Variants in RPS6KC1 observed in about 807,000 individuals in gnomAD.
RPS6KC1 encodes inactive ribosomal protein S6 kinase delta-1.
RPS6KC1 carries 54 observed loss-of-function variants against 103.8 expected under a neutral mutation model. That is an observed-to-expected ratio of 0.52 (90% CI 0.42 to 0.65). RPS6KC1 has a LOEUF of 0.65. RPS6KC1 is among the 30% of genes least tolerant of loss of function. RPS6KC1 has a pLI of 0.00. For synonymous variants in RPS6KC1, 439 were observed against 438.7 expected, an observed-to-expected ratio of 1.00 and a Z score of -0.01; for missense variants, 1,151 against 1,253.8, an observed-to-expected ratio of 0.92 and a Z score of 1.24.
the RPS6KC1 span, among the ~76,000 whole-genome samples, chr1:213,676,824 C>T: frequency 6.6e-6 from 1 of 152,336 alleles, no homozygotes; most frequent in Admixed American, 6.5e-5. Context: ...TAAAATGCAT[C>T]AATAAAATGT....
chr1:213,167,747 C>T lies in RPS6KC1; in HGVS notation c.836-111C>T, dbSNP rs2091117292. On this transcript the variant is annotated intron_variant, in intron 6 of 14. Transcript: ENST00000366960. ...ATGTCTTTTCCAATTTTGAATATCT[C>T]TTCTTTTTTGTTAGAAATGTGAACA... The T allele has an allele frequency of 7.6e-6, 4 of 529,630 alleles. No homozygotes were observed. The East Asian group carries it at 1.3e-4, about 17-fold the overall frequency. The allele number at this position is 529,630 out of a possible 1,614,324, so 32.8% of individuals were successfully genotyped here. A position where few individuals can be genotyped will look rare whatever the true frequency, so the allele number is the denominator to read the frequency against.
chr1:213,552,592 C>T, the RPS6KC1 span, among the ~76,000 whole-genome samples: 50 of 152,084 alleles, frequency 3.3e-4, no homozygotes, highest in Non-Finnish European at 5.6e-4. Context: ...ATTTGGGTAA[C>T]CTTTATTAAG....
the RPS6KC1 span, among the ~76,000 whole-genome samples, chr1:213,455,698 C>G: frequency 5.3e-5 from 8 of 152,100 alleles, no homozygotes; most frequent in Non-Finnish European, 1.2e-4. Context: ...TGATTAATAC[C>G]AGTTTTAAAG....
the RPS6KC1 span, among the ~76,000 whole-genome samples, chr1:213,745,577 T>C: frequency 6.6e-6 from 1 of 152,016 alleles, no homozygotes; most frequent in Non-Finnish European, 1.5e-5. Context: ...GGGGTTGTAT[T>C]ACTGATCTTG....
chr1:213,359,503 T>C, the RPS6KC1 span, among the ~76,000 whole-genome samples: 75 of 152,356 alleles, frequency 4.9e-4, no homozygotes, highest in African/African-American at 1.7e-3. Flanking sequence ...GTCTTGACTC[T>C]TTATCCAATT....
chr1:213,129,580 G>T lies in RPS6KC1; in HGVS notation c.526G>T (p.Ala176Ser), dbSNP rs1414488321. 2 of 1,613,810 alleles carry T rather than the reference G, an allele frequency of 1.2e-6. No homozygotes were observed. Among genetic ancestry groups the T allele is most frequent in the Non-Finnish European group, 1.7e-6 (2 of 1,179,798 alleles). The stretch of plus-strand genomic sequence containing the variant: ...TCTTACTGTTGATGTGGATTCTCTT[G>T]CTGAGTTAGATGATGGAATGGCTTC... ...VSLTVDVDSL[A>S]ELDDGMASNQ... Residue 176 changes from alanine to serine, a missense_variant, in exon 6 of 15, where the codon GCT becomes TCT. By Grantham distance (99) the Ala-to-Ser change is moderately conservative. This residue lies in a region of RPS6KC1 where 959 missense variants were observed against 1,006.3 expected (regional missense o/e 0.95). Transcript: ENST00000366960.
At chr1:213,641,251 A>G in the RPS6KC1 span, among the ~76,000 whole-genome samples, 2 of 151,722 alleles carry the variant, frequency 1.3e-5, no homozygotes, top group African/African-American at 2.4e-5. Context: ...TATCTGCATC[A>G]TCTCCTTGGT....
the RPS6KC1 span, among the ~76,000 whole-genome samples, chr1:213,699,222 C>G: frequency 6.6e-6 from 1 of 152,032 alleles, no homozygotes; most frequent in Non-Finnish European, 1.5e-5. Flanking sequence ...ACTCCCATTT[C>G]CAACCTCTAG....
At chr1:213,777,198 G>C in the RPS6KC1 span, among the ~76,000 whole-genome samples, 1 of 152,268 alleles carries the variant, frequency 6.6e-6, no homozygotes, top group East Asian at 1.9e-4. Flanking sequence ...TCGCAAATTG[G>C]GTAACTGTTT....
chr1:213,109,794 C>T (rs78251611), intron 4 of RPS6KC1, among the ~76,000 whole-genome samples: 3,407 of 149,342 alleles, frequency 0.023, 133 homozygotes, highest in African/African-American at 0.078. Context: ...ATTTTTGTTT[C>T]TCGTAGGTAT....
At chr1:213,480,368 G>T in the RPS6KC1 span, among the ~76,000 whole-genome samples, 3 of 151,994 alleles carry the variant, frequency 2.0e-5, no homozygotes, top group Admixed American at 1.3e-4. Flanking sequence ...TTAAGATTCT[G>T]TGCATTTTTG....
At chr1:213,066,263 A>G (rs1215305565) in intron 1 of RPS6KC1, among the ~76,000 whole-genome samples, 1 of 152,244 alleles carries the variant, frequency 6.6e-6, no homozygotes, top group Non-Finnish European at 1.5e-5. Context: ...AATAACCTAC[A>G]AAAGAGAAGC....
the RPS6KC1 span, among the ~76,000 whole-genome samples, chr1:213,709,565 G>T: frequency 6.6e-6 from 1 of 151,880 alleles, no homozygotes; most frequent in African/African-American, 2.4e-5. Flanking sequence ...GCTCTGCTCT[G>T]ATCTTAGTTA....
chr1:213,500,728 G>A, the RPS6KC1 span, among the ~76,000 whole-genome samples: 1 of 152,136 alleles, frequency 6.6e-6, no homozygotes, highest in Non-Finnish European at 1.5e-5. Context: ...GTGATCCTTT[G>A]TTGACTGAAA....
At chr1:213,812,694 T>A in the RPS6KC1 span, among the ~76,000 whole-genome samples, 11 of 152,318 alleles carry the variant, frequency 7.2e-5, no homozygotes, top group African/African-American at 2.6e-4. Context: ...AACCAATTCG[T>A]GTAAGGCAAT....
chr1:213,491,987 G>A, the RPS6KC1 span, among the ~76,000 whole-genome samples: 4 of 152,222 alleles, frequency 2.6e-5, no homozygotes, highest in East Asian at 1.9e-4. Flanking sequence ...GCCTGCCACC[G>A]CTGAACTGTA....
intron 6 of RPS6KC1, among the ~76,000 whole-genome samples, chr1:213,152,898 G>A (rs565718156): frequency 1.3e-5 from 2 of 152,378 alleles, no homozygotes; most frequent in African/African-American, 4.8e-5. Flanking sequence ...CGGCTGGGAG[G>A]TGGAGGTTGT....
the RPS6KC1 span, among the ~76,000 whole-genome samples, chr1:213,788,092 C>A: frequency 1.3e-5 from 2 of 152,174 alleles, no homozygotes; most frequent in African/African-American, 4.8e-5. Context: ...ATAGTCCATT[C>A]TGTACAAAGA....
At chr1:213,690,470 G>C in the RPS6KC1 span, among the ~76,000 whole-genome samples, 8 of 152,146 alleles carry the variant, frequency 5.3e-5, no homozygotes, top group Admixed American at 2.0e-4. Flanking sequence ...ATGGCTGCTT[G>C]TCTGGTGGAC....
Sources: allele counts gnomAD v4.1 joint callset (sites outside exome capture counted in the v4.1 genomes callset), GRCh38; gene constraint gnomAD v4.1.1; regional missense constraint gnomAD v4.1.1; transcripts MANE v1.5; gene names NCBI Gene and HGNC (gene_info 2026-07-23, HGNC 2026-07-21).